ST7L: variants seen among roughly 807,000 people sequenced by gnomAD.
The protein encoded by ST7L is suppressor of tumorigenicity 7 protein-like.
A neutral mutation model predicts 72.5 loss-of-function variants in ST7L; 57 were observed. That is an observed-to-expected ratio of 0.79 (90% CI 0.64 to 0.98). The LOEUF (loss-of-function observed/expected upper bound fraction) is 0.98. ST7L is among the 50% of genes least tolerant of loss of function. The pLI, the probability that ST7L is intolerant of heterozygous loss-of-function variation, is 0.00. For missense variants in ST7L, 576 were observed against 672.2 expected (o/e 0.86, Z 1.58); for synonymous variants, 221 against 240.9 (o/e 0.92, Z 0.77).
chr1:112,590,723 A>G (rs1665566298), intron 6 of ST7L, among the ~76,000 whole-genome samples: 1 of 152,234 alleles, frequency 6.6e-6, no homozygotes, highest in Non-Finnish European at 1.5e-5. Context: ...TTTTCAAAAT[A>G]TAAAGTTCAA....
Position 112,582,444 on chromosome 1 carries a change from A to G in ST7L, c.885T>C (p.Ile295=). 6.2e-7 allele frequency: 1 copy of G among 1,607,712 alleles called. No homozygotes were observed. Among genetic ancestry groups the G allele is most frequent in the South Asian group, 1.1e-5 (1 of 90,724 alleles). Residue 295 remains isoleucine, a synonymous_variant, in exon 8 of 15, where the codon ATT becomes ATC. Coordinates refer to ENST00000358039, the MANE Select transcript of ST7L (RefSeq NM_017744.5). ...LRRDTNVLVY[I]KRRLAMCARK... The stretch of plus-strand genomic sequence containing the variant: ...TTGCACACATTGCCAATCTTCTTTT[A>G]ATATATACCAGTACATTGGTATCTC...
At chr1:112,518,780 C>T (rs1305889660), downstream of ST7L, among the ~76,000 whole-genome samples, 1 of 152,066 alleles carries the variant, frequency 6.6e-6, no homozygotes, top group East Asian at 1.9e-4. Flanking sequence ...CCAAAGTGGG[C>T]CCTGGAATTC....
At chr1:112,520,631 T>G (rs1652823015), downstream of ST7L, 1 of 1,024,284 alleles carries the variant, frequency 9.8e-7, no homozygotes, top group Non-Finnish European at 1.5e-6. Context: ...TTTAAGGATG[T>G]AGAGAGTAAT....
chr1:112,551,944 T>C (rs1658272929), intron 12 of ST7L, among the ~76,000 whole-genome samples: 1 of 152,220 alleles, frequency 6.6e-6, no homozygotes, highest in Admixed American at 6.5e-5. Flanking sequence ...TTGAAATAAA[T>C]GTGAGCTATA....
chr1:112,547,541 TTGTC>T (rs759994917), intron 13 of ST7L, among the ~76,000 whole-genome samples: 21 of 149,980 alleles, frequency 1.4e-4, no homozygotes, highest in Non-Finnish European at 2.1e-4. Flanking sequence ...ACTTAACACA[TTGTC>T]TGTCATCTTT....
At position 112,553,802 on chromosome 1, in the gene ST7L, A is replaced by G. The variant is rs561786913; in HGVS notation, c.1396+2066T>C. 2.6e-5 allele frequency among the ~76,000 whole-genome samples: 4 copies of G among 152,336 alleles called. No homozygotes were observed. In the South Asian group the frequency reaches 8.3e-4, roughly 32 times the overall value. On this transcript the variant is annotated intron_variant, in intron 12 of 14. Transcript: ENST00000358039. ...ATGATATTGAAAGGAATGGAGAATG[A>G]TCTAATGTTGAAACTGTGAACTGTC...
At chr1:112,555,456 T>C (rs991544706) in intron 12 of ST7L, among the ~76,000 whole-genome samples, 6 of 151,952 alleles carry the variant, frequency 3.9e-5, no homozygotes, top group African/African-American at 9.7e-5. Flanking sequence ...TCCCAGCTAC[T>C]TGGGAGGCTG....
At position 112,540,070 on chromosome 1, in the gene ST7L, T is replaced by G. The variant is rs867959727; in HGVS notation, c.1629+1881A>C. ...AACTTATGCTATGTAATCGTAAAGA[T>G]TCTTCTGGTGCCATTAGTGACTGCC... On this transcript the variant is annotated intron_variant, in intron 14 of 14. Coordinates refer to ENST00000358039, the MANE Select transcript of ST7L (RefSeq NM_017744.5). 8.1e-6 allele frequency: 8 copies of G among 985,398 alleles called. No individual in the cohort carries two copies. In the South Asian group the frequency reaches 2.3e-4, roughly 29 times the overall value. 61.0% of individuals were successfully genotyped at this position (985,398 alleles called of 1,614,324 possible).
intron 4 of ST7L, among the ~76,000 whole-genome samples, chr1:112,599,160 A>T (rs1390632858): frequency 1.7e-5 from 2 of 117,478 alleles, no homozygotes; most frequent in Non-Finnish European, 3.5e-5. Flanking sequence ...ACACACACAC[A>T]CTTCTTTTCA....
At chr1:112,604,114 C>T (rs1458268090) in intron 3 of ST7L, among the ~76,000 whole-genome samples, 2 of 152,100 alleles carry the variant, frequency 1.3e-5, no homozygotes, top group Non-Finnish European at 2.9e-5. Flanking sequence ...TTGAGACCAG[C>T]CTAGTCAACA....
At chr1:112,619,213 T>G (rs1670457140), upstream of ST7L, 1 of 1,197,468 alleles carries the variant, frequency 8.4e-7, no homozygotes, top group African/African-American at 1.5e-5. Context: ...TTGGCCTCTG[T>G]GAAGGCTGAG....
intron 2 of ST7L, among the ~76,000 whole-genome samples, chr1:112,612,222 C>T (rs1007791251): frequency 2.0e-5 from 3 of 151,960 alleles, no homozygotes; most frequent in Admixed American, 6.6e-5. Context: ...CTCAGCCTCC[C>T]GTGTAGCTAG....
chr1:112,538,121 A>T lies in ST7L; in HGVS notation c.1629+3830T>A, dbSNP rs570382843. 2.0e-5 allele frequency among the ~76,000 whole-genome samples: 3 copies of T among 152,350 alleles called. No individual in the cohort carries two copies. The South Asian group carries it at 6.2e-4, about 32-fold the overall frequency. On this transcript the variant is annotated intron_variant, in intron 14 of 14. Coordinates refer to ENST00000358039, the MANE Select transcript of ST7L (RefSeq NM_017744.5). ...CAATAAAGAAATTTAGGAAATTTTTAAAAAGTCTGTCTTCTGAAGTAGAAC... is the reference window on the plus strand; with the variant it reads ...CAATAAAGAAATTTAGGAAATTTTTTAAAAGTCTGTCTTCTGAAGTAGAAC...
intron 11 of ST7L, among the ~76,000 whole-genome samples, chr1:112,568,861 A>AATATAAATAAATAAATATAT (rs61349207): frequency 8.7e-6 from 1 of 114,918 alleles, no homozygotes. Context: ...TATAAATATA[A>AATATAAATAAATAAATATAT]ATATATATAT....
intron 11 of ST7L, chr1:112,571,285 A>AT: frequency 2.2e-6 from 1 of 456,484 alleles, no homozygotes; most frequent in Non-Finnish European, 4.4e-6. Context: ...TTAGCTGGAT[A>AT]TTTTGAAATA....
chr1:112,558,448 T>C (rs1430067657), intron 11 of ST7L, among the ~76,000 whole-genome samples: 1 of 152,232 alleles, frequency 6.6e-6, no homozygotes, highest in African/African-American at 2.4e-5. Context: ...AATATACATG[T>C]ACTCCTCATA....
At chr1:112,587,426 A>G (rs1375951268) in intron 6 of ST7L, among the ~76,000 whole-genome samples, 1 of 152,066 alleles carries the variant, frequency 6.6e-6, no homozygotes, top group East Asian at 1.9e-4. Flanking sequence ...ACATGGTGAA[A>G]CCTTGTCTCT....
At chr1:112,608,678 G>C (rs1198873916) in intron 3 of ST7L, among the ~76,000 whole-genome samples, 1 of 152,008 alleles carries the variant, frequency 6.6e-6, no homozygotes, top group Non-Finnish European at 1.5e-5. Context: ...GATCTGTATC[G>C]TATTCATCTT....
chr1:112,592,508 G>A (rs1462599741), intron 5 of ST7L, among the ~76,000 whole-genome samples: 2 of 152,074 alleles, frequency 1.3e-5, no homozygotes, highest in African/African-American at 2.4e-5. Context: ...GCCACCTAAC[G>A]CTTCCTGAAC....
Sources: gnomAD v4.1 joint callset for allele counts (sites outside exome capture counted in the v4.1 genomes callset) on GRCh38, gnomAD v4.1.1 for gene constraint, MANE v1.5 for transcripts, NCBI Gene and HGNC (gene_info 2026-07-23, HGNC 2026-07-21) for gene names.